Variants in R3HCC1L observed in about 807,000 individuals in gnomAD.
R3HCC1L encodes the protein coiled-coil domain-containing protein R3HCC1L.
Under a neutral mutation model 59.9 loss-of-function variants are expected in R3HCC1L, and 51 were observed. The ratio of observed to expected loss-of-function variants is 0.85; its 90% CI spans 0.68 to 1.07. R3HCC1L has a LOEUF of 1.07. Among genes scored for constraint, R3HCC1L ranks in the 50% least tolerant of loss-of-function variants. R3HCC1L has a pLI of 0.00. For missense variants in R3HCC1L, 965 were observed against 933.0 expected, an observed-to-expected ratio of 1.03 and a Z score of -0.45; for synonymous variants, 322 against 315.2, an observed-to-expected ratio of 1.02 and a Z score of -0.23.
intron 5 of R3HCC1L, among the ~76,000 whole-genome samples, chr10:98,221,962 C>T (rs914522662): frequency 1.3e-5 from 2 of 152,174 alleles, no homozygotes; most frequent in Non-Finnish European, 2.9e-5. Context: ...CTGTAAATTA[C>T]CTTGGGCAGT....
At chr10:98,178,857 C>G (rs1440487361) in intron 4 of R3HCC1L, among the ~76,000 whole-genome samples, 2 of 152,096 alleles carry the variant, frequency 1.3e-5, no homozygotes, top group Non-Finnish European at 1.5e-5. Flanking sequence ...TGATTTGGCT[C>G]TCTGTTTGTC....
At chr10:98,181,526 T>C (rs1849622104) in intron 4 of R3HCC1L, among the ~76,000 whole-genome samples, 1 of 152,206 alleles carries the variant, frequency 6.6e-6, no homozygotes, top group African/African-American at 2.4e-5. Context: ...AGTATCTTTG[T>C]GGCGGTCTCT....
chr10:98,142,233 A>G (rs917590856), intron 1 of R3HCC1L, among the ~76,000 whole-genome samples: 2 of 152,200 alleles, frequency 1.3e-5, no homozygotes, highest in East Asian at 3.8e-4. Flanking sequence ...GTCTTGTTTT[A>G]TAAACGATAT....
intron 5 of R3HCC1L, among the ~76,000 whole-genome samples, chr10:98,212,845 TA>T (rs1001671283): frequency 7.9e-5 from 12 of 152,160 alleles, no homozygotes; most frequent in African/African-American, 1.4e-4. Context: ...AATTTTTAGA[TA>T]GGGGTAAATA....
At chr10:98,233,669 A>G (rs1856622186) in intron 6 of R3HCC1L, among the ~76,000 whole-genome samples, 1 of 152,156 alleles carries the variant, frequency 6.6e-6, no homozygotes, top group Non-Finnish European at 1.5e-5. Flanking sequence ...TATAACTGTT[A>G]TGTCATCATC....
At chr10:98,138,035 A>G (rs1844764276) in intron 1 of R3HCC1L, among the ~76,000 whole-genome samples, 2 of 152,122 alleles carry the variant, frequency 1.3e-5, no homozygotes, top group Non-Finnish European at 2.9e-5. Flanking sequence ...ATGTATCTGC[A>G]GGGAGTGAGA....
chr10:98,173,014 T>C (rs1848665493), intron 4 of R3HCC1L, among the ~76,000 whole-genome samples: 1 of 152,172 alleles, frequency 6.6e-6, no homozygotes. Context: ...CTGATTTCAT[T>C]TTATATAAAT....
chr10:98,202,869 A>G (rs572989180), intron 4 of R3HCC1L, among the ~76,000 whole-genome samples: 2 of 152,004 alleles, frequency 1.3e-5, no homozygotes, highest in East Asian at 3.9e-4. Flanking sequence ...AAAAAAAAAA[A>G]AAATAGAGTG....
rs922959942 is a variant in R3HCC1L at position 98,163,347 on chromosome 10, A to G, written c.-65A>G. 1.3e-5 allele frequency: 17 copies of G among 1,292,898 alleles called. No individual in the cohort carries two copies. The highest frequency in any genetic ancestry group is 4.0e-4 in the Middle Eastern group (2 of 5,032). The allele number at this position is 1,292,898 out of a possible 1,614,324, so 80.1% of individuals were successfully genotyped here. A position where few individuals can be genotyped will look rare whatever the true frequency, so the allele number is the denominator to read the frequency against. ...CACAGTTTGCCTTCAGAGACAGTCTATCGGCATGTTGTAGAGTTTTATTAC... is the reference window on the plus strand; with the variant it reads ...CACAGTTTGCCTTCAGAGACAGTCTGTCGGCATGTTGTAGAGTTTTATTAC... On this transcript the variant is annotated 5_prime_UTR_variant, in exon 4 of 10. Coordinates refer to ENST00000298999, the MANE Select transcript of R3HCC1L (RefSeq NM_001351015.2).
chr10:98,155,565 A>C (rs1846764993), intron 1 of R3HCC1L, among the ~76,000 whole-genome samples: 1 of 152,122 alleles, frequency 6.6e-6, no homozygotes, highest in Non-Finnish European at 1.5e-5. Context: ...AATAATTTAA[A>C]ATATTTTATC....
At chr10:98,218,403 G>A (rs1854464619) in intron 5 of R3HCC1L, among the ~76,000 whole-genome samples, 2 of 152,014 alleles carry the variant, frequency 1.3e-5, no homozygotes, top group South Asian at 2.1e-4. Context: ...GGAATGCAAG[G>A]ATGATTCAAC....
chr10:98,150,629 T>A (rs1846063053), intron 1 of R3HCC1L, among the ~76,000 whole-genome samples: 1 of 152,148 alleles, frequency 6.6e-6, no homozygotes, highest in Admixed American at 6.5e-5. Flanking sequence ...CCCTCCTGCA[T>A]GGGAGGCATC....
At position 98,209,084 on chromosome 10, in the gene R3HCC1L, ACT is replaced by A. The variant is rs1434550574; in HGVS notation, c.971_972del (p.Thr324SerfsTer2). 2 of 1,613,976 alleles carry A rather than the reference ACT, an allele frequency of 1.2e-6. No homozygotes were observed. Among genetic ancestry groups the A allele is most frequent in the African/African-American group, 2.7e-5 (2 of 74,928 alleles). ...CTCTCTGTCAGAGAGCACAAATGAC[ACT>A]GTTAGTCCAGTAATGATTAGAGAAT... is the stretch of plus-strand genomic sequence containing the variant. ...HISLSESTND[T>X]VSPVMIRECE... On this transcript the variant is annotated frameshift_variant, in exon 5 of 10. Transcript: ENST00000298999. LOFTEE classifies it high-confidence loss of function.
At chr10:98,196,925 T>C (rs565743504) in intron 4 of R3HCC1L, among the ~76,000 whole-genome samples, 1 of 152,232 alleles carries the variant, frequency 6.6e-6, no homozygotes, top group East Asian at 1.9e-4. Flanking sequence ...CGCCCCTTCT[T>C]TTTTTTCTTG....
At chr10:98,238,393 A>G (rs1857181156) in intron 9 of R3HCC1L, among the ~76,000 whole-genome samples, 1 of 152,122 alleles carries the variant, frequency 6.6e-6, no homozygotes, top group African/African-American at 2.4e-5. Flanking sequence ...TAGGGAAGAA[A>G]ATATGTTCCT....
intron 4 of R3HCC1L, among the ~76,000 whole-genome samples, chr10:98,175,979 G>A (rs1292585426): frequency 6.6e-6 from 1 of 152,088 alleles, no homozygotes; most frequent in Non-Finnish European, 1.5e-5. Context: ...TATGGATACA[G>A]TTTTTGTTGC....
At chr10:98,220,737 C>T (rs1854819349) in intron 5 of R3HCC1L, among the ~76,000 whole-genome samples, 1 of 151,868 alleles carries the variant, frequency 6.6e-6, no homozygotes. Context: ...CATAGTATTC[C>T]ATGGTGTATA....
intron 4 of R3HCC1L, among the ~76,000 whole-genome samples, chr10:98,182,633 T>C (rs1323830359): frequency 6.6e-6 from 1 of 152,190 alleles, no homozygotes; most frequent in Admixed American, 6.5e-5. Context: ...AGCTATGCCC[T>C]GCCCCCAGAG....
chr10:98,220,387 T>C (rs974631208), intron 5 of R3HCC1L, among the ~76,000 whole-genome samples: 227 of 90,358 alleles, frequency 2.5e-3, no homozygotes, highest in Non-Finnish European at 4.2e-3. Flanking sequence ...TTTTCCCATC[T>C]TTTTTTTTTT....
Sources: allele counts gnomAD v4.1 joint callset (sites outside exome capture counted in the v4.1 genomes callset), GRCh38; gene constraint gnomAD v4.1.1; transcripts MANE v1.5; gene names NCBI Gene and HGNC (gene_info 2026-07-23, HGNC 2026-07-21).